Variants in RYR2 observed in about 807,000 individuals in gnomAD.
RYR2 encodes ryanodine receptor 2.
In RYR2, 227 loss-of-function variants were observed where a neutral mutation model predicts 601.1. That is an observed-to-expected ratio of 0.38 (90% confidence interval 0.34 to 0.42). The LOEUF is 0.42. Ranked by LOEUF, RYR2 falls within the 10% of genes least tolerant of loss-of-function variation. RYR2 has a pLI of 1.00. For missense variants in RYR2, 4,646 were observed against 6,156.5 expected (o/e 0.75, Z 8.21); for synonymous variants, 2,223 against 2,175.1 (o/e 1.02, Z -0.61).
rs1203008142 is a variant in RYR2, at chr1:237,471,662, G to A, written c.1708+2475G>A. On this transcript the variant is annotated intron_variant, in intron 17 of 104. Transcript: ENST00000366574. ...AGAGAAAAGACATGAACAGAGCCAA[G>A]CATCCTTTAAGGTCAACCAAGTACA... Among the ~76,000 whole-genome samples the A allele has an allele frequency of 2.0e-5, 3 of 151,260 alleles. No homozygotes were observed. In the East Asian group the frequency reaches 5.8e-4, roughly 29 times the overall value.
intron 17 of RYR2, among the ~76,000 whole-genome samples, chr1:237,479,815 C>T (rs1054163992): frequency 6.6e-6 from 1 of 152,164 alleles, no homozygotes; most frequent in Admixed American, 6.5e-5. Context: ...ATGCATTACT[C>T]CACTGGATTT....
intron 29 of RYR2, among the ~76,000 whole-genome samples, chr1:237,580,611 T>C (rs28604544): frequency 0.3 from 45,347 of 152,016 alleles, 7,226 homozygotes; most frequent in East Asian, 0.61. Flanking sequence ...ATGTGTCTGC[T>C]GGCAGATACA....
At chr1:237,697,091 T>C (rs1687521216) in intron 63 of RYR2, among the ~76,000 whole-genome samples, 1 of 151,920 alleles carries the variant, frequency 6.6e-6, no homozygotes, top group Non-Finnish European at 1.5e-5. Flanking sequence ...ATACTCTGCT[T>C]CTTTCCTCTT....
intron 20 of RYR2, among the ~76,000 whole-genome samples, chr1:237,498,419 G>A (rs1336150981): frequency 6.6e-6 from 1 of 151,866 alleles, no homozygotes; most frequent in African/African-American, 2.4e-5. Context: ...CACAAAATAG[G>A]GCTAAAGTCC....
At chr1:237,133,387 A>T (rs749934801) in intron 1 of RYR2, among the ~76,000 whole-genome samples, 1 of 152,148 alleles carries the variant, frequency 6.6e-6, no homozygotes, top group Non-Finnish European at 1.5e-5. Context: ...TTCTTACTTG[A>T]TATGAATAAG....
intron 1 of RYR2, among the ~76,000 whole-genome samples, chr1:237,124,090 T>C (rs1204088748): frequency 1.3e-5 from 2 of 152,232 alleles, no homozygotes; most frequent in Non-Finnish European, 2.9e-5. Context: ...GTTTCTATTT[T>C]ATAGCTGGAG....
intron 63 of RYR2, among the ~76,000 whole-genome samples, chr1:237,691,203 A>G (rs1341094764): frequency 6.6e-6 from 1 of 152,216 alleles, no homozygotes; most frequent in African/African-American, 2.4e-5. Context: ...CCTAAACCTA[A>G]GAGTAAATTA....
At chr1:237,619,727 T>A (rs1388370754) in intron 38 of RYR2, among the ~76,000 whole-genome samples, 1 of 151,966 alleles carries the variant, frequency 6.6e-6, no homozygotes, top group Non-Finnish European at 1.5e-5. Context: ...TGACACTACC[T>A]ACAGGGGGAG....
chr1:237,306,559 T>A (rs568053849), intron 2 of RYR2, among the ~76,000 whole-genome samples: 35 of 152,338 alleles, frequency 2.3e-4, no homozygotes, highest in African/African-American at 8.4e-4. Context: ...CTCTAGGCTG[T>A]ACTTTATATT....
At chr1:237,674,342 A>G (rs1277148679) in intron 59 of RYR2, 123 bp downstream of exon 59, 13 of 758,178 alleles carry the variant, frequency 1.7e-5, no homozygotes, top group Non-Finnish European at 2.6e-5. Flanking sequence ...GTACTGTTTA[A>G]TATGTTTAAA....
chr1:237,252,695 T>C (rs1253184850), intron 1 of RYR2, among the ~76,000 whole-genome samples: 1 of 152,224 alleles, frequency 6.6e-6, no homozygotes, highest in Non-Finnish European at 1.5e-5. Context: ...GTTAAAATTA[T>C]ATTTTGATTA....
At chr1:237,390,392 T>C (rs1275335470) in intron 10 of RYR2, among the ~76,000 whole-genome samples, 2 of 152,176 alleles carry the variant, frequency 1.3e-5, no homozygotes, top group East Asian at 3.8e-4. Context: ...AAACAATGGT[T>C]TCCCCTCTTT....
intron 37 of RYR2, among the ~76,000 whole-genome samples, chr1:237,615,790 G>A (rs565493969): frequency 6.6e-6 from 1 of 152,200 alleles, no homozygotes; most frequent in East Asian, 1.9e-4. Context: ...ATACTCTGAA[G>A]GCAAAGAATG....
At chr1:237,645,363 T>A (rs1395603295) in intron 48 of RYR2, among the ~76,000 whole-genome samples, 1 of 152,222 alleles carries the variant, frequency 6.6e-6, no homozygotes, top group Non-Finnish European at 1.5e-5. Flanking sequence ...TTCTTCTCCT[T>A]GTGCATCTGT....
intron 63 of RYR2, among the ~76,000 whole-genome samples, chr1:237,696,142 C>G (rs1161242212): frequency 1.3e-5 from 2 of 152,092 alleles, no homozygotes; most frequent in African/African-American, 4.8e-5. Context: ...GTATCCCTGG[C>G]CACCCCTCAT....
At chr1:237,677,250 G>A (rs111308525) in intron 60 of RYR2, among the ~76,000 whole-genome samples, 39 of 152,230 alleles carry the variant, frequency 2.6e-4, no homozygotes, top group Non-Finnish European at 5.4e-4. Flanking sequence ...ACTAAAACCT[G>A]ATAGCTCTCC....
At chr1:237,571,503 C>T (rs572975081) in intron 29 of RYR2, among the ~76,000 whole-genome samples, 21 of 151,928 alleles carry the variant, frequency 1.4e-4, no homozygotes, top group Middle Eastern at 6.8e-3. Context: ...TTAGTAGAGA[C>T]GGGGTTTTAT....
intron 1 of RYR2, among the ~76,000 whole-genome samples, chr1:237,061,268 C>CTATCATCTATCTATCTATCCATCTAT (rs1553275474): frequency 5.5e-4 from 49 of 88,830 alleles, no homozygotes; most frequent in Non-Finnish European, 7.9e-4. Context: ...ATCTATCTAT[C>CTATCATCTATCTATCTATCCATCTAT]CATCTATCAT....
At chr1:237,326,273 TAA>T (rs900046001) in intron 2 of RYR2, among the ~76,000 whole-genome samples, 1 of 146,212 alleles carries the variant, frequency 6.8e-6, no homozygotes, top group African/African-American at 2.5e-5. Context: ...AGTTTGTATT[TAA>T]AAAAAAAAAG....
Sources: allele counts gnomAD v4.1 joint callset (sites outside exome capture counted in the v4.1 genomes callset), GRCh38; gene constraint gnomAD v4.1.1; transcripts MANE v1.5; gene names NCBI Gene and HGNC (gene_info 2026-07-23, HGNC 2026-07-21).